The following ABCA9 variants were observed in gnomAD, a reference collection of about 807,000 sequenced individuals.
ABCA9 encodes ATP-binding cassette sub-family A member 9.
Under a neutral mutation model 205.3 loss-of-function variants are expected in ABCA9, and 183 were observed. The ratio of observed to expected loss-of-function variants is 0.89; its 90% CI spans 0.79 to 1.01. The LOEUF (loss-of-function observed/expected upper bound fraction) is 1.01, where lower values mean the gene tolerates loss of function less well. Ranked by LOEUF, ABCA9 falls within the 50% of genes least tolerant of loss-of-function variation. The pLI is 0.00. For missense variants in ABCA9, 1,805 were observed against 1,912.4 expected (o/e 0.94, Z 1.05); for synonymous variants, 651 against 683.3 (o/e 0.95, Z 0.74).
At chr17:69,005,039 T>C (rs1181591891) in intron 25 of ABCA9, among the ~76,000 whole-genome samples, 2 of 152,198 alleles carry the variant, frequency 1.3e-5, no homozygotes, top group African/African-American at 4.8e-5. Context: ...CCTAGTGAGA[T>C]GAACCCGCTA....
At chr17:69,025,506 T>C (rs1304000188) in intron 16 of ABCA9, among the ~76,000 whole-genome samples, 2 of 152,126 alleles carry the variant, frequency 1.3e-5, no homozygotes, top group Non-Finnish European at 2.9e-5. Context: ...AGCTAGAGAA[T>C]AGTGAGTATT....
At chr17:69,055,276 A>G (rs2072034612) in intron 1 of ABCA9, among the ~76,000 whole-genome samples, 1 of 152,234 alleles carries the variant, frequency 6.6e-6, no homozygotes, top group South Asian at 2.1e-4. Flanking sequence ...AAATATAAAG[A>G]CACATATAGA....
rs146151021 is a variant in ABCA9 at position 68,990,015 on chromosome 17, C to T, written c.3838-85G>A. On this transcript the variant is annotated intron_variant, in intron 29 of 38. Coordinates refer to ENST00000340001, the MANE Select transcript of ABCA9 (RefSeq NM_080283.4). ...CCACACTCTTGTCACCAAACCTTTC[C>T]TTATAAAAAATCATGAATCAAACCA... is the stretch of plus-strand genomic sequence containing the variant. 1.2e-3 allele frequency: 1,152 copies of T among 967,554 alleles called. 16 individuals carry two copies. The East Asian group carries it at 0.023, about 20-fold the overall frequency. 59.9% of individuals were successfully genotyped at this position (967,554 alleles called of 1,614,324 possible).
At chr17:69,062,587 T>C (rs762454944), upstream of ABCA9, among the ~76,000 whole-genome samples, 2 of 152,290 alleles carry the variant, frequency 1.3e-5, no homozygotes, top group African/African-American at 4.8e-5. Flanking sequence ...CTCGGCTCAA[T>C]GGAACCTCTG....
chr17:68,987,472 T>C (rs556515740), intron 31 of ABCA9, among the ~76,000 whole-genome samples: 2 of 152,180 alleles, frequency 1.3e-5, no homozygotes, highest in South Asian at 4.2e-4. Flanking sequence ...TAGCTGACAG[T>C]GTAGTTAGGA....
chr17:69,061,102 T>C (rs1354061273), upstream of ABCA9: 6 of 985,436 alleles, frequency 6.1e-6, no homozygotes, highest in East Asian at 6.8e-4. Context: ...TCCATTTCTT[T>C]GTTTCCTGCT....
the ABCA9 span, among the ~76,000 whole-genome samples, chr17:69,076,690 CTTGGTA>C: frequency 7.2e-5 from 11 of 152,078 alleles, no homozygotes; most frequent in Admixed American, 5.2e-4. Context: ...AATTCTGGAA[CTTGGTA>C]TTGGTCTGCT....
Position 69,016,309 on chromosome 17 carries a change from G to A in ABCA9, c.2983C>T (p.Leu995Phe), listed in dbSNP as rs73370041. ...VLLDVISNGL[L>F]GIFNSSEHIQ... The stretch of plus-strand genomic sequence containing the variant: ...TGTTCTGACGAATTAAAAATTCCAA[G>A]TAGTCCATTGCTAATGACATCCAGG... The change falls in exon 22 of 39, where the codon CTT (leucine) becomes TTT (phenylalanine). Residue 995 changes from leucine (L) to phenylalanine (F), a missense_variant. Physicochemically the swap from Leu to Phe is conservative, Grantham distance 22. Coordinates refer to ENST00000340001, the MANE Select transcript of ABCA9 (RefSeq NM_080283.4). 3.5e-3 allele frequency: 5,553 copies of A among 1,601,704 alleles called. 90 individuals carry two copies. The African/African-American group carries it at 0.046, about 13-fold the overall frequency.
chr17:69,028,505 G>T, intron 12 of ABCA9, 30 bp downstream of exon 12: 1 of 1,450,976 alleles, frequency 6.9e-7, no homozygotes, highest in Non-Finnish European at 9.6e-7. Context: ...GTTTGTCCAG[G>T]TACTTGTCCT....
Position 68,975,923 on chromosome 17 carries a change from C to T in ABCA9, c.4867G>A (p.Glu1623Lys), listed in dbSNP as rs1458287528. Residue 1623 changes from glutamate (E) to lysine (K), a missense_variant, in exon 39 of 39, where the codon GAG (glutamate) becomes AAG (lysine). Glu to Lys is a moderately conservative substitution (Grantham distance 56, BLOSUM62 1). Coordinates refer to ENST00000340001, the MANE Select transcript of ABCA9 (RefSeq NM_080283.4). ...SVKWKLLLQE[E>K]P is the part of the protein sequence containing the mutation. ...ATAGGGTATTTGGAGCTTTAAGGCT[C>T]TTCCTGCAGGAGGAGTTTCCACTTC... 2 of 1,611,896 alleles carry T rather than the reference C, an allele frequency of 1.2e-6. No homozygotes were observed. Among genetic ancestry groups the T allele is most frequent in the Non-Finnish European group, 1.7e-6 (2 of 1,178,804 alleles).
chr17:69,045,033 A>C, intron 4 of ABCA9, 139 bp downstream of exon 4: 2 of 597,364 alleles, frequency 3.3e-6, no homozygotes, highest in Non-Finnish European at 5.5e-6. Context: ...ATAAATATGA[A>C]TCTCCTTTAT....
In ABCA9 at chr17:69,016,295, AT is replaced by A; in HGVS notation, c.2996del (p.Asn999IlefsTer44). 1 of 1,600,948 alleles carries A rather than the reference AT, an allele frequency of 6.2e-7. No individual in the cohort carries two copies. Among genetic ancestry groups the A allele is most frequent in the Non-Finnish European group, 8.5e-7 (1 of 1,175,294 alleles). The part of the protein sequence containing the change: ...VISNGLLGIF[N>X]SSEHIQTDRS... ...TGTCAGTCTGAATGTGTTCTGACGA[AT>A]TAAAAATTCCAAGTAGTCCATTGCT... On this transcript the variant is annotated frameshift_variant, in exon 22 of 39. Coordinates refer to ENST00000340001, the MANE Select transcript of ABCA9 (RefSeq NM_080283.4). LOFTEE classifies it high-confidence loss of function.
At chr17:69,029,982 C>G (rs990099387) in intron 10 of ABCA9, among the ~76,000 whole-genome samples, 2 of 152,118 alleles carry the variant, frequency 1.3e-5, no homozygotes, top group Non-Finnish European at 2.9e-5. Context: ...AACAAACCCC[C>G]ATGACACAAC....
At chr17:69,003,954 G>C (rs2069995082) in intron 25 of ABCA9, among the ~76,000 whole-genome samples, 1 of 152,114 alleles carries the variant, frequency 6.6e-6, no homozygotes, top group Non-Finnish European at 1.5e-5. Context: ...CTCGAGCCTT[G>C]GTTTTCAGCT....
chr17:68,993,012 T>G lies in ABCA9; in HGVS notation c.3624+4A>C. The G allele has an allele frequency of 6.2e-7, 1 of 1,609,896 alleles. No homozygotes were observed. The highest frequency in any genetic ancestry group is 8.5e-7 in the Non-Finnish European group (1 of 1,177,378). On this transcript the variant is annotated splice_donor_region_variant and intron_variant, in intron 27 of 38. Transcript: ENST00000340001. ...AAGAATGTTGAAAAAAAAAGTCTTC[T>G]TACTATTAGCAGTGCCAGGTATACA... is the stretch of plus-strand genomic sequence containing the variant.
intron 37 of ABCA9, among the ~76,000 whole-genome samples, chr17:68,977,531 T>C (rs1368313439): frequency 6.6e-6 from 1 of 152,232 alleles, no homozygotes; most frequent in Non-Finnish European, 1.5e-5. Flanking sequence ...CCATTTCACC[T>C]TCTAAGCTAT....
chr17:69,013,803 G>C (rs1027335750), intron 22 of ABCA9, among the ~76,000 whole-genome samples: 1 of 152,086 alleles, frequency 6.6e-6, no homozygotes, highest in Non-Finnish European at 1.5e-5. Flanking sequence ...GGGATCAGCA[G>C]CAAGACCTGA....
At chr17:68,997,594 C>CTTTTTTTTT in intron 25 of ABCA9, among the ~76,000 whole-genome samples, 1 of 125,400 alleles carries the variant, frequency 8.0e-6, no homozygotes, top group Non-Finnish European at 1.7e-5. Context: ...TATTTTTTTT[C>CTTTTTTTTT]TTTTTTTTTT....
chr17:68,999,175 T>A lies in ABCA9; in HGVS notation c.3436-3161A>T, dbSNP rs1013487712. ...AGTTTTAGGGTACATGTGCACATTG[T>A]GCAGGTTAGTTACATACGTATACAT... is the stretch of plus-strand genomic sequence containing the variant. On this transcript the variant is annotated intron_variant, in intron 25 of 38. Coordinates refer to ENST00000340001, the MANE Select transcript of ABCA9 (RefSeq NM_080283.4). 9.3e-5 allele frequency among the ~76,000 whole-genome samples: 14 copies of A among 150,618 alleles called. 1 individual carries two copies. In the South Asian group the frequency reaches 2.5e-3, roughly 27 times the overall value.
Sources: allele counts gnomAD v4.1 joint callset (sites outside exome capture counted in the v4.1 genomes callset), GRCh38; gene constraint gnomAD v4.1.1; transcripts MANE v1.5; gene names NCBI Gene and HGNC (gene_info 2026-07-23, HGNC 2026-07-21).